ERICH3: variants seen among roughly 807,000 people sequenced by gnomAD.
The protein encoded by ERICH3 is glutamate rich 3.
A neutral mutation model predicts 131.1 loss-of-function variants in ERICH3; 126 were observed. The ratio of observed to expected loss-of-function variants is 0.96; its 90% CI spans 0.83 to 1.11. The LOEUF (loss-of-function observed/expected upper bound fraction) is 1.11. Among genes scored for constraint, ERICH3 ranks in the 50% most tolerant of loss-of-function variants. ERICH3 has a pLI of 0.00. For missense variants in ERICH3, 2,050 were observed against 1,810.7 expected (o/e 1.13, Z -2.40); for synonymous variants, 695 against 644.6 (o/e 1.08, Z -1.18).
chr1:74,666,778 TA>T (rs5775255), intron 1 of ERICH3, among the ~76,000 whole-genome samples: 11,470 of 151,568 alleles, frequency 0.076, 463 homozygotes, highest in South Asian at 0.1. Flanking sequence ...ACTACCTGGT[TA>T]AAAAAAAATC....
intron 1 of ERICH3, among the ~76,000 whole-genome samples, chr1:74,666,701 C>A (rs1646696057): frequency 6.6e-6 from 1 of 152,108 alleles, no homozygotes; most frequent in Admixed American, 6.6e-5. Context: ...TGTGCTGGAA[C>A]CCAGAGGTAT....
chr1:74,649,955 A>C (rs1012039404), intron 1 of ERICH3, among the ~76,000 whole-genome samples: 1 of 152,164 alleles, frequency 6.6e-6, no homozygotes, highest in African/African-American at 2.4e-5. Context: ...CTCATCACAT[A>C]ATATGTAATT....
At chr1:74,647,557 G>A (rs1476082686) in intron 2 of ERICH3, among the ~76,000 whole-genome samples, 1 of 152,036 alleles carries the variant, frequency 6.6e-6, no homozygotes, top group South Asian at 2.1e-4. Context: ...TTTTGTTGTG[G>A]ATTTACTTAT....
At chr1:74,655,693 C>T (rs779801227) in intron 1 of ERICH3, among the ~76,000 whole-genome samples, 3 of 152,136 alleles carry the variant, frequency 2.0e-5, no homozygotes, top group Non-Finnish European at 4.4e-5. Context: ...GATCCACATG[C>T]TCTGAAGGCT....
intron 1 of ERICH3, among the ~76,000 whole-genome samples, chr1:74,665,331 A>G (rs1646681053): frequency 6.6e-6 from 1 of 152,118 alleles, no homozygotes; most frequent in South Asian, 2.1e-4. Context: ...TTTCTAAGCC[A>G]CCCAGTCTAT....
At chr1:74,574,699 T>G (rs922819485) in intron 13 of ERICH3, among the ~76,000 whole-genome samples, 1 of 152,208 alleles carries the variant, frequency 6.6e-6, no homozygotes, top group Admixed American at 6.5e-5. Context: ...TCATAGTTCA[T>G]AGTTCAATAA....
In ERICH3 at chr1:74,600,915, G is replaced by A. The variant is rs559845857; in HGVS notation, c.1490-984C>T. Among the ~76,000 whole-genome samples, 3 of 151,418 alleles carry A rather than the reference G, an allele frequency of 2.0e-5. No homozygotes were observed. The South Asian group carries it at 6.3e-4, about 32-fold the overall frequency. ...TTCTGGCTTCTCTGTGGGGGAGGGGGGCCTCTCGGGTAATTTACTTGAGAG... is the reference window on the plus strand; with the variant it reads ...TTCTGGCTTCTCTGTGGGGGAGGGGAGCCTCTCGGGTAATTTACTTGAGAG... On this transcript the variant is annotated intron_variant, in intron 10 of 14. Coordinates refer to ENST00000326665, the MANE Select transcript of ERICH3 (RefSeq NM_001002912.5).
intron 6 of ERICH3, among the ~76,000 whole-genome samples, chr1:74,635,679 T>G (rs1211774582): frequency 6.6e-6 from 1 of 152,166 alleles, no homozygotes; most frequent in East Asian, 1.9e-4. Flanking sequence ...AACTCATGTT[T>G]CATGGTTACC....
At chr1:74,647,477 C>T (rs557898589) in intron 2 of ERICH3, among the ~76,000 whole-genome samples, 1 of 152,140 alleles carries the variant, frequency 6.6e-6, no homozygotes, top group East Asian at 1.9e-4. Flanking sequence ...ACAGATTATG[C>T]ATTAGCATAC....
At position 74,673,575 on chromosome 1, in the gene ERICH3, C is replaced by T; in HGVS notation, c.-56G>A. ...AGGTGCGGAGGGTGGGTGCGTGGGG[C>T]CCCGTGCGCGCTGGCGCTGCGACAG... is the stretch of plus-strand genomic sequence containing the variant. On this transcript the variant is annotated 5_prime_UTR_variant, in exon 1 of 15. Transcript: ENST00000326665. 1 of 1,589,660 alleles carries T rather than the reference C, an allele frequency of 6.3e-7. No homozygotes were observed. The highest frequency in any genetic ancestry group is 8.6e-7 in the Non-Finnish European group (1 of 1,166,776).
intron 7 of ERICH3, among the ~76,000 whole-genome samples, chr1:74,628,635 T>A (rs898424658): frequency 5.3e-5 from 8 of 151,960 alleles, no homozygotes; most frequent in African/African-American, 1.9e-4. Context: ...TTTTCGACTG[T>A]GCAGAGAAAT....
chr1:74,651,856 T>C (rs934569323), intron 1 of ERICH3, among the ~76,000 whole-genome samples: 2 of 152,184 alleles, frequency 1.3e-5, no homozygotes, highest in African/African-American at 4.8e-5. Context: ...ACTTCTTTAA[T>C]ATTTAGATCC....
chr1:74,616,841 G>T (rs1048688155), intron 8 of ERICH3, among the ~76,000 whole-genome samples: 15 of 152,246 alleles, frequency 9.9e-5, no homozygotes, highest in African/African-American at 3.6e-4. Context: ...TGAAGTGACG[G>T]AACCACAGGC....
intron 11 of ERICH3, among the ~76,000 whole-genome samples, chr1:74,590,567 T>C (rs1386096800): frequency 6.6e-6 from 1 of 152,156 alleles, no homozygotes; most frequent in Non-Finnish European, 1.5e-5. Context: ...TCTGCTCCTA[T>C]GAGGATCTAA....
In ERICH3 at chr1:74,646,756, A is replaced by G; in HGVS notation, c.154T>C (p.Tyr52His). 3 of 1,500,954 alleles carry G rather than the reference A, an allele frequency of 2.0e-6. No homozygotes were observed. Among genetic ancestry groups the G allele is most frequent in the Non-Finnish European group, 2.7e-6 (3 of 1,106,350 alleles). The allele number at this position is 1,500,954 out of a possible 1,614,324, so 93.0% of individuals were successfully genotyped here. A position where few individuals can be genotyped will look rare whatever the true frequency, so the allele number is the denominator to read the frequency against. Reference protein sequence around the residue: ...RSGRILSEKEYKLNMMKRDHQ... With the variant: ...RSGRILSEKEHKLNMMKRDHQ... ...TCCCGCTTCATCATATTTAGTTTAT[A>G]TTCTTTTTCAGAAAGTATTCTTCCA... is the stretch of plus-strand genomic sequence containing the variant. Residue 52 changes from tyrosine (Y) to histidine (H), a missense_variant, in exon 3 of 15, where the codon TAT (tyrosine) becomes CAT (histidine). Physicochemically the swap from Tyr to His is moderately conservative, Grantham distance 83. Transcript: ENST00000326665.
Position 74,620,769 on chromosome 1 carries a change from T to G in ERICH3, c.965A>C (p.Asn322Thr), listed in dbSNP as rs1343326905. The change falls in exon 8 of 15, where the codon AAC becomes ACC. Residue 322 changes from asparagine to threonine, a missense_variant. Physicochemically the swap from Asn to Thr is moderately conservative, Grantham distance 65. Coordinates refer to ENST00000326665, the MANE Select transcript of ERICH3 (RefSeq NM_001002912.5). Reference sequence around the variant, plus strand: ...TAGTTTGCCTTTGTAGACACAAAGGTTTTCCCCACCACAGTGCTGCTGATA... The same window carrying G: ...TAGTTTGCCTTTGTAGACACAAAGGGTTTCCCCACCACAGTGCTGCTGATA... ...KVYQQHCGGE[N>T]LCVYKGKLLE... 8 of 1,610,360 alleles carry G rather than the reference T, an allele frequency of 5.0e-6. No individual in the cohort carries two copies. In the African/African-American group the frequency reaches 9.4e-5, roughly 19 times the overall value.
intron 1 of ERICH3, among the ~76,000 whole-genome samples, chr1:74,657,818 T>C (rs867012478): frequency 5.3e-5 from 8 of 152,114 alleles, no homozygotes; most frequent in South Asian, 2.1e-4. Context: ...TGCTTTCATA[T>C]ACCATGAATT....
At chr1:74,658,866 G>A (rs886409934) in intron 1 of ERICH3, among the ~76,000 whole-genome samples, 1 of 152,136 alleles carries the variant, frequency 6.6e-6, no homozygotes, top group African/African-American at 2.4e-5. Context: ...ATCTGTAAAA[G>A]GGGAAAATAA....
chr1:74,637,778 G>C (rs1463487705), intron 5 of ERICH3, among the ~76,000 whole-genome samples: 2 of 151,974 alleles, frequency 1.3e-5, no homozygotes, highest in Admixed American at 1.3e-4. Flanking sequence ...AAATTAGCTG[G>C]GTATGATGAT....
Sources: allele counts gnomAD v4.1 joint callset (sites outside exome capture counted in the v4.1 genomes callset), GRCh38; gene constraint gnomAD v4.1.1; transcripts MANE v1.5; gene names NCBI Gene and HGNC (gene_info 2026-07-23, HGNC 2026-07-21).